The following ZNF254 variants were observed in gnomAD, a reference collection of about 807,000 sequenced individuals.
ZNF254 encodes CTD-2017D11.1.
A neutral mutation model predicts 12.4 loss-of-function variants in ZNF254; 10 were observed. The ratio of observed to expected loss-of-function variants is 0.80; its 90% CI spans 0.50 to 1.36. The LOEUF (loss-of-function observed/expected upper bound fraction) is 1.36. ZNF254 is among the 40% of genes most tolerant of loss of function. The probability of loss-of-function intolerance (pLI) is 0.00; values close to 1 mark genes in which losing one functional copy is unlikely to be tolerated. For missense variants in ZNF254, 996 were observed against 763.9 expected (o/e 1.30, Z -3.58); for synonymous variants, 305 against 253.4 (o/e 1.20, Z -1.93).
At chr19:24,070,541 G>A (rs1223823593) in intron 2 of ZNF254, among the ~76,000 whole-genome samples, 1 of 152,170 alleles carries the variant, frequency 6.6e-6, no homozygotes, top group Non-Finnish European at 1.5e-5. Context: ...GTCTAAAGGA[G>A]AGATTGAGGC....
chr19:24,123,751 T>C (rs1342484916), intron 3 of ZNF254, among the ~76,000 whole-genome samples: 3 of 152,070 alleles, frequency 2.0e-5, no homozygotes, highest in Non-Finnish European at 4.4e-5. Flanking sequence ...AATATTATAA[T>C]TTTTGACTTA....
At chr19:24,082,597 C>T (rs917768192), upstream of ZNF254, among the ~76,000 whole-genome samples, 20 of 132,852 alleles carry the variant, frequency 1.5e-4, no homozygotes, top group Non-Finnish European at 3.1e-4. Flanking sequence ...TTGCAGTGAG[C>T]CCAGATCGCG....
At chr19:24,083,184 TTTAAA>T (rs1446987319), upstream of ZNF254, among the ~76,000 whole-genome samples, 8 of 152,166 alleles carry the variant, frequency 5.3e-5, no homozygotes, top group African/African-American at 1.9e-4. Flanking sequence ...CAAACTGATA[TTTAAA>T]TCAAGAACTC....
chr19:24,098,020 T>G (rs1205325401), intron 1 of ZNF254, among the ~76,000 whole-genome samples: 1 of 152,146 alleles, frequency 6.6e-6, no homozygotes, highest in Admixed American at 6.5e-5. Context: ...ATATTTACTT[T>G]AAATGAATTC....
intron 2 of ZNF254, among the ~76,000 whole-genome samples, chr19:24,049,195 TA>T (rs1568426306): frequency 1.6e-5 from 1 of 62,734 alleles, no homozygotes; most frequent in African/African-American, 7.1e-5. Context: ...TATATATATA[TA>T]TATATATATA....
At chr19:24,081,896 G>T (rs925745317) in intron 2 of ZNF254, among the ~76,000 whole-genome samples, 4 of 152,168 alleles carry the variant, frequency 2.6e-5, no homozygotes, top group African/African-American at 9.7e-5. Flanking sequence ...GCCAAGGCAG[G>T]TGGATCACCT....
At chr19:24,035,000 A>G (rs968795760) in intron 1 of ZNF254, among the ~76,000 whole-genome samples, 5 of 152,102 alleles carry the variant, frequency 3.3e-5, no homozygotes, top group Non-Finnish European at 7.4e-5. Context: ...AGCACCAGCT[A>G]TAAGATATTG....
At chr19:24,115,940 C>T (rs979561520) in intron 3 of ZNF254, among the ~76,000 whole-genome samples, 3 of 152,104 alleles carry the variant, frequency 2.0e-5, no homozygotes, top group African/African-American at 7.2e-5. Flanking sequence ...TATTTTATTT[C>T]TCCTTCACTT....
chr19:24,059,564 A>G (rs768315447), intron 2 of ZNF254, among the ~76,000 whole-genome samples: 1 of 152,092 alleles, frequency 6.6e-6, no homozygotes, highest in Non-Finnish European at 1.5e-5. Context: ...AGAGTTTGAT[A>G]TATTGCTTAG....
At chr19:24,043,628 A>C (rs1970261891) in intron 1 of ZNF254, among the ~76,000 whole-genome samples, 1 of 152,180 alleles carries the variant, frequency 6.6e-6, no homozygotes, top group South Asian at 2.1e-4. Flanking sequence ...TATATCATTA[A>C]ATGTTTTGAT....
rs1974249067 is a variant in ZNF254 at position 24,118,322 on chromosome 19, G to C, written c.254-7932G>C. Among the ~76,000 whole-genome samples, 3 of 152,076 alleles carry C rather than the reference G, an allele frequency of 2.0e-5. No individual in the cohort carries two copies. In the South Asian group the frequency reaches 6.2e-4, roughly 31 times the overall value. ...CCGCATCAGCCTCCCAAAGTGCTGG[G>C]ATTACAGGCGTGAGCCACCTCACTT... On this transcript the variant is annotated intron_variant, in intron 3 of 3. Coordinates refer to ENST00000357002, the MANE Select transcript of ZNF254 (RefSeq NM_203282.4).
At chr19:24,111,162 C>T (rs1393325837) in intron 3 of ZNF254, among the ~76,000 whole-genome samples, 2 of 136,192 alleles carry the variant, frequency 1.5e-5, no homozygotes, top group Non-Finnish European at 3.0e-5. Flanking sequence ...TTCATGTGTT[C>T]TCATTGTTCA....
chr19:24,052,074 A>T (rs1970669793), intron 2 of ZNF254, among the ~76,000 whole-genome samples: 1 of 152,078 alleles, frequency 6.6e-6, no homozygotes, highest in African/African-American at 2.4e-5. Flanking sequence ...CCTCCACATA[A>T]GGGGTAGTGT....
At chr19:24,056,031 A>G (rs779205730) in intron 2 of ZNF254, among the ~76,000 whole-genome samples, 4 of 152,182 alleles carry the variant, frequency 2.6e-5, no homozygotes, top group Non-Finnish European at 5.9e-5. Context: ...CAGATGGAAT[A>G]GTGACACATA....
At chr19:24,106,422 T>A in intron 2 of ZNF254, 126 bp from the exon 3 acceptor site, 1 of 694,504 alleles carries the variant, frequency 1.4e-6, no homozygotes, top group South Asian at 2.2e-5. Flanking sequence ...AAAATTTCTG[T>A]TATAAATTAG....
intron 2 of ZNF254, among the ~76,000 whole-genome samples, chr19:24,049,210 ATATATTTTT>A (rs1360655500): frequency 1.1e-4 from 5 of 46,214 alleles, no homozygotes; most frequent in South Asian, 1.3e-3. Flanking sequence ...ATATATATAT[ATATATTTTT>A]TTTTTTTTTT....
At chr19:24,091,884 T>A (rs987370678) in intron 1 of ZNF254, 6 of 929,960 alleles carry the variant, frequency 6.5e-6, no homozygotes, top group African/African-American at 5.4e-5. Context: ...GTGATTAATT[T>A]TTTTTTTTTT....
chr19:24,113,336 A>G (rs1264119370), intron 3 of ZNF254, among the ~76,000 whole-genome samples: 1 of 152,212 alleles, frequency 6.6e-6, no homozygotes, highest in African/African-American at 2.4e-5. Context: ...ATCCACCATG[A>G]TCAAGTGGGC....
At chr19:24,119,051 G>A (rs1014914053) in intron 3 of ZNF254, among the ~76,000 whole-genome samples, 2 of 151,976 alleles carry the variant, frequency 1.3e-5, no homozygotes, top group African/African-American at 4.8e-5. Context: ...GACAGAGATT[G>A]GAGTGATTGG....
Sources: allele counts gnomAD v4.1 joint callset (sites outside exome capture counted in the v4.1 genomes callset), GRCh38; gene constraint gnomAD v4.1.1; transcripts MANE v1.5; gene names NCBI Gene and HGNC (gene_info 2026-07-23, HGNC 2026-07-21).